UBE3C: variants seen among roughly 807,000 people sequenced by gnomAD.
UBE3C encodes ubiquitin-protein ligase E3C.
A neutral mutation model predicts 129.4 loss-of-function variants in UBE3C; 42 were observed. The observed-to-expected ratio is 0.32, with a 90% CI of 0.25 to 0.42. The LOEUF (loss-of-function observed/expected upper bound fraction) is 0.42. Among genes scored for constraint, UBE3C ranks in the 10% least tolerant of loss-of-function variants. The pLI is 1.00. For synonymous variants in UBE3C, 510 were observed against 492.4 expected (o/e 1.04, Z -0.47); for missense variants, 1,049 against 1,319.1 (o/e 0.80, Z 3.17).
At chr7:157,169,011 G>A (rs1483564811) in intron 2 of UBE3C, 37 bp from the exon 3 acceptor site, 6 of 1,554,688 alleles carry the variant, frequency 3.9e-6, no homozygotes, top group Non-Finnish European at 5.3e-6. Flanking sequence ...ACTGGATTCT[G>A]ACCAATTGCT....
intron 13 of UBE3C, among the ~76,000 whole-genome samples, chr7:157,209,854 C>A (rs368067593): frequency 6.6e-6 from 1 of 152,200 alleles, no homozygotes; most frequent in East Asian, 1.9e-4. Context: ...CAAAATGACT[C>A]CCTGCCACTT....
At chr7:157,222,841 C>T (rs1795775318) in intron 15 of UBE3C, 1 of 195,932 alleles carries the variant, frequency 5.1e-6, no homozygotes, top group Non-Finnish European at 1.0e-5. Context: ...ATCTCATGCA[C>T]ACACGCCTGG....
chr7:157,203,358 C>T (rs1046057847), intron 11 of UBE3C, among the ~76,000 whole-genome samples: 16 of 152,274 alleles, frequency 1.1e-4, no homozygotes, highest in African/African-American at 3.9e-4. Context: ...AAATTCTTTT[C>T]TTTCATTTCC....
At chr7:157,246,739 G>T (rs200545985) in intron 18 of UBE3C, among the ~76,000 whole-genome samples, 1 of 152,148 alleles carries the variant, frequency 6.6e-6, no homozygotes, top group Non-Finnish European at 1.5e-5. Context: ...CCTCCAGACA[G>T]TAGGAAGGCC....
At position 157,267,913 on chromosome 7, in the gene UBE3C, TTTTA is replaced by T; in HGVS notation, c.*161_*164del. Reference sequence around the variant, plus strand: ...TCCCTCCCTTCCTTTTTTAAATGATTTTTATTACGGTGTGGTCACTTATTTAGAT... The same window carrying T: ...TCCCTCCCTTCCTTTTTTAAATGATTTTACGGTGTGGTCACTTATTTAGAT... On this transcript the variant is annotated 3_prime_UTR_variant, in exon 23 of 23. Transcript: ENST00000348165. The T allele has an allele frequency of 1.7e-6, 1 of 571,970 alleles. No individual in the cohort carries two copies. The highest frequency in any genetic ancestry group is 2.9e-6 in the Non-Finnish European group (1 of 349,688). The allele number at this position is 571,970 out of a possible 1,614,324, so 35.4% of individuals were successfully genotyped here.
In UBE3C at chr7:157,216,867, G is replaced by A. The variant is rs1713209769; in HGVS notation, c.1810G>A (p.Val604Ile). The A allele has an allele frequency of 1.9e-6, 3 of 1,613,150 alleles. No homozygotes were observed. The highest frequency in any genetic ancestry group is 1.3e-5 in the African/African-American group (1 of 74,880). Residue 604 changes from valine (V) to isoleucine (I), a missense_variant and splice_region_variant, in exon 14 of 23, where the codon GTT becomes ATT. Coordinates refer to ENST00000348165, the MANE Select transcript of UBE3C (RefSeq NM_014671.3). ...ACGCGGATATGTTCTTTCTTTTCAG[G>A]TTATCACCAATCTAGTGAAAATGTT... ...EQKRWIQLFK[V>I]ITNLVKMLKS...
Position 157,184,038 on chromosome 7 carries a change from C to T in UBE3C, c.1143+9C>T, listed in dbSNP as rs371072828. The T allele has an allele frequency of 5.8e-5, 93 of 1,612,968 alleles. No individual in the cohort carries two copies. The highest frequency in any genetic ancestry group is 6.7e-5 in the East Asian group (3 of 44,848). The stretch of plus-strand genomic sequence containing the variant: ...ACAAGCCCTCAAGCCCGGTAAGCCC[C>T]GTGCCCTGCATCTGGGGGGCTGCGA... On this transcript the variant is annotated intron_variant, in intron 9 of 22. Transcript: ENST00000348165.
chr7:157,241,211 C>T (rs1357945029), intron 18 of UBE3C, among the ~76,000 whole-genome samples: 1 of 152,004 alleles, frequency 6.6e-6, no homozygotes, highest in Non-Finnish European at 1.5e-5. Flanking sequence ...TGCTGAGTGT[C>T]GCAGCATAGT....
intron 5 of UBE3C, among the ~76,000 whole-genome samples, 200 bp downstream of exon 5, chr7:157,175,234 A>T (rs1191154242): frequency 6.6e-6 from 1 of 150,536 alleles, no homozygotes; most frequent in Non-Finnish European, 1.5e-5. Context: ...AAATGAAGAC[A>T]CATATTCAGT....
At chr7:157,261,085 C>G (rs981420585) in intron 22 of UBE3C, among the ~76,000 whole-genome samples, 1 of 151,864 alleles carries the variant, frequency 6.6e-6, no homozygotes, top group African/African-American at 2.4e-5. Context: ...GGTGGATCCC[C>G]TGAGGCCAGG....
intron 18 of UBE3C, among the ~76,000 whole-genome samples, chr7:157,235,284 T>G (rs1033706084): frequency 6.6e-6 from 1 of 152,168 alleles, no homozygotes; most frequent in African/African-American, 2.4e-5. Flanking sequence ...ACTTAATATA[T>G]ATGTGAAAAT....
chr7:157,220,717 G>T lies in UBE3C; in HGVS notation c.1943G>T (p.Arg648Ile). ...ACTCAGCTCTATGTGCCAGCATCCA[G>T]ACATGTGTGGAGGTTCCGGCGGATG... ...KVTQLYVPAS[R>I]HVWRFRRMGR... Residue 648 changes from arginine (R) to isoleucine (I), a missense_variant, in exon 15 of 23, where the codon AGA (arginine) becomes ATA (isoleucine). Physicochemically the swap from Arg to Ile is moderately conservative, Grantham distance 97 (BLOSUM62 -3). This residue lies in a region of UBE3C where 314 missense variants were observed against 416.9 expected (regional missense o/e 0.75). Transcript: ENST00000348165. 6.2e-7 allele frequency: 1 copy of T among 1,614,202 alleles called. No homozygotes were observed. Among genetic ancestry groups the T allele is most frequent in the South Asian group, 1.1e-5 (1 of 91,088 alleles).
rs531053008 is a variant in UBE3C at position 157,229,505 on chromosome 7, C to T, written c.2234-1575C>T. On this transcript the variant is annotated intron_variant, in intron 17 of 22. Coordinates refer to ENST00000348165, the MANE Select transcript of UBE3C (RefSeq NM_014671.3). ...AATTTTTTTTTGTATTTAGTAGAGACGGGGTTTCACCATGTTAGTCAGGCT... is the reference window on the plus strand; with the variant it reads ...AATTTTTTTTTGTATTTAGTAGAGATGGGGTTTCACCATGTTAGTCAGGCT... Among the ~76,000 whole-genome samples, 268 of 152,198 alleles carry T rather than the reference C, an allele frequency of 1.8e-3. 1 individual carries two copies. Among genetic ancestry groups the T allele is most frequent in the Middle Eastern group, 6.8e-3 (2 of 294 alleles).
At chr7:157,216,291 C>T (rs909245923) in intron 13 of UBE3C, among the ~76,000 whole-genome samples, 1 of 151,848 alleles carries the variant, frequency 6.6e-6, no homozygotes, top group African/African-American at 2.4e-5. Flanking sequence ...TACAAAATTG[C>T]ACCACTTAGA....
At chr7:157,207,376 T>G in intron 11 of UBE3C, 22 bp from the exon 12 acceptor site, 4 of 1,590,872 alleles carry the variant, frequency 2.5e-6, no homozygotes, top group Non-Finnish European at 3.4e-6. Flanking sequence ...ACTGGTTTTT[T>G]TCTTCTTTTC....
intron 4 of UBE3C, 127 bp from the exon 5 acceptor site, chr7:157,174,792 T>C: frequency 1.5e-6 from 1 of 647,822 alleles, no homozygotes; most frequent in Non-Finnish European, 2.5e-6. Flanking sequence ...TATTTACTTC[T>C]TAACCATCTT....
chr7:157,181,830 G>C (rs923987599), intron 7 of UBE3C, among the ~76,000 whole-genome samples, 159 bp downstream of exon 7: 1 of 152,052 alleles, frequency 6.6e-6, no homozygotes, highest in African/African-American at 2.4e-5. Context: ...TTTCTTTCTG[G>C]CCTGTAGCCT....
At chr7:157,241,055 G>A (rs1224066999) in intron 18 of UBE3C, among the ~76,000 whole-genome samples, 3 of 152,134 alleles carry the variant, frequency 2.0e-5, no homozygotes, top group Non-Finnish European at 4.4e-5. Context: ...GGGAAGGGAA[G>A]GATGGTCTGG....
chr7:157,203,971 AATC>A (rs1809360069), intron 11 of UBE3C, among the ~76,000 whole-genome samples: 1 of 152,236 alleles, frequency 6.6e-6, no homozygotes, highest in South Asian at 2.1e-4. Context: ...AGCTAGGCAA[AATC>A]ATCAAACACT....
Sources: allele counts gnomAD v4.1 joint callset (sites outside exome capture counted in the v4.1 genomes callset), GRCh38; gene constraint gnomAD v4.1.1; regional missense constraint gnomAD v4.1.1; transcripts MANE v1.5; gene names NCBI Gene and HGNC (gene_info 2026-07-23, HGNC 2026-07-21).